The following SEMA6D variants were observed in gnomAD, a reference collection of about 807,000 sequenced individuals.
The protein encoded by SEMA6D is semaphorin 6D, also known as semaphorin-6D.
In SEMA6D, 35 loss-of-function variants were observed where a neutral mutation model predicts 106.6. That is an observed-to-expected ratio of 0.33 (90% CI 0.25 to 0.44). SEMA6D has a LOEUF of 0.44. Ranked by LOEUF, SEMA6D falls within the 20% of genes least tolerant of loss-of-function variation. SEMA6D has a pLI of 1.00. For synonymous variants in SEMA6D, 499 were observed against 487.7 expected (o/e 1.02, Z -0.31); for missense variants, 1,185 against 1,345.9 (o/e 0.88, Z 1.87).
At chr15:47,513,354 G>A (rs1273098878) in intron 3 of SEMA6D, among the ~76,000 whole-genome samples, 1 of 151,942 alleles carries the variant, frequency 6.6e-6, no homozygotes, top group Non-Finnish European at 1.5e-5. Context: ...TATATACTCT[G>A]GCTGATTTGT....
chr15:47,210,193 G>A (rs542576250), intron 1 of SEMA6D, among the ~76,000 whole-genome samples: 2 of 152,016 alleles, frequency 1.3e-5, no homozygotes, highest in South Asian at 4.2e-4. Context: ...ACTGTATGTC[G>A]ACTTTAGTGG....
In SEMA6D at chr15:47,768,622, A is replaced by G. The variant is rs377324380; in HGVS notation, c.1807A>G (p.Ile603Val). ...ATCTTCTGTTACCACAATGGCAAGT[A>G]TCCCAGAAATCACACCTAAAGTGAT... is the stretch of plus-strand genomic sequence containing the variant. ...SSSSVTTMAS[I>V]PEITPKVIDT... Residue 603 changes from isoleucine to valine, a missense_variant, in exon 18 of 19, where the codon ATC becomes GTC. This residue lies in a region of SEMA6D where 750 missense variants were observed against 783.5 expected (regional missense o/e 0.96). Transcript: ENST00000536845. The G allele has an allele frequency of 3.1e-6, 5 of 1,613,384 alleles. No individual in the cohort carries two copies. The highest frequency in any genetic ancestry group is 1.7e-4 in the Middle Eastern group (1 of 6,050).
chr15:47,352,840 G>T (rs568164651), intron 1 of SEMA6D, among the ~76,000 whole-genome samples: 3 of 152,162 alleles, frequency 2.0e-5, no homozygotes, highest in African/African-American at 7.2e-5. Flanking sequence ...AGTCACCCAA[G>T]AGGGTTTATC....
At chr15:47,434,245 G>A (rs2041631078) in intron 2 of SEMA6D, among the ~76,000 whole-genome samples, 1 of 152,078 alleles carries the variant, frequency 6.6e-6, no homozygotes, top group African/African-American at 2.4e-5. Context: ...GTTCAAGCCT[G>A]GTGATAAATA....
chr15:47,228,159 CACACAT>C (rs1425627994), intron 1 of SEMA6D, among the ~76,000 whole-genome samples: 4 of 124,052 alleles, frequency 3.2e-5, no homozygotes, highest in African/African-American at 1.4e-4. Context: ...CACACACACA[CACACAT>C]ATATATATAA....
At chr15:47,411,367 T>C (rs2040792903) in intron 1 of SEMA6D, among the ~76,000 whole-genome samples, 1 of 152,174 alleles carries the variant, frequency 6.6e-6, no homozygotes. Context: ...AGTGCTGGGA[T>C]TGAGTTCTTG....
intron 1 of SEMA6D, among the ~76,000 whole-genome samples, chr15:47,360,903 T>C (rs1008079781): frequency 2.0e-5 from 3 of 152,252 alleles, no homozygotes; most frequent in African/African-American, 7.2e-5. Flanking sequence ...TTGAAACATA[T>C]GTTTACATCT....
chr15:47,637,372 G>GC (rs1217632423), intron 4 of SEMA6D, among the ~76,000 whole-genome samples: 1 of 152,182 alleles, frequency 6.6e-6, no homozygotes, highest in Non-Finnish European at 1.5e-5. Flanking sequence ...AGAAGTCAGG[G>GC]CAACTGCTTG....
At chr15:47,523,017 A>T (rs1366573659) in intron 3 of SEMA6D, among the ~76,000 whole-genome samples, 1 of 152,320 alleles carries the variant, frequency 6.6e-6, no homozygotes, top group East Asian at 1.9e-4. Flanking sequence ...TTTCAATAGA[A>T]ATACAGAGCC....
intron 1 of SEMA6D, among the ~76,000 whole-genome samples, chr15:47,206,955 A>T (rs770320938): frequency 2.0e-5 from 3 of 152,158 alleles, no homozygotes; most frequent in African/African-American, 7.2e-5. Context: ...GCCTTAAAAA[A>T]CAAATAAGAG....
chr15:47,266,801 A>G (rs1279014584), intron 1 of SEMA6D, among the ~76,000 whole-genome samples: 2 of 152,092 alleles, frequency 1.3e-5, no homozygotes, highest in Non-Finnish European at 2.9e-5. Flanking sequence ...AATTTCTACC[A>G]TGCTGAGCTG....
chr15:47,705,050 T>A (rs1435504836), intron 4 of SEMA6D, among the ~76,000 whole-genome samples: 2 of 152,188 alleles, frequency 1.3e-5, no homozygotes, highest in Non-Finnish European at 2.9e-5. Flanking sequence ...AAATATATAT[T>A]TAGCTAAACA....
chr15:47,733,315 A>T (rs1359341085), intron 1 of SEMA6D, among the ~76,000 whole-genome samples: 2 of 152,154 alleles, frequency 1.3e-5, no homozygotes, highest in Non-Finnish European at 2.9e-5. Flanking sequence ...TAATACAATA[A>T]ATCAGTCCTA....
intron 3 of SEMA6D, among the ~76,000 whole-genome samples, chr15:47,573,313 G>T (rs1482062592): frequency 6.6e-6 from 1 of 151,944 alleles, no homozygotes; most frequent in Non-Finnish European, 1.5e-5. Context: ...AAAAAAATCA[G>T]AAAATAAGCT....
At chr15:47,316,144 G>C (rs1449036162) in intron 1 of SEMA6D, among the ~76,000 whole-genome samples, 3 of 98,150 alleles carry the variant, frequency 3.1e-5, no homozygotes, top group South Asian at 3.4e-4. Flanking sequence ...CCAGGCTGGA[G>C]TGCAGTAGTG....
At chr15:47,420,103 T>C (rs748194503) in intron 2 of SEMA6D, among the ~76,000 whole-genome samples, 10 of 152,120 alleles carry the variant, frequency 6.6e-5, no homozygotes, top group Non-Finnish European at 1.2e-4. Context: ...GGTGATGTGC[T>C]CAGAACACAC....
chr15:47,392,810 G>C (rs1002072772), intron 1 of SEMA6D, among the ~76,000 whole-genome samples: 6 of 152,198 alleles, frequency 3.9e-5, no homozygotes, highest in Non-Finnish European at 7.3e-5. Flanking sequence ...AGAAACTCCA[G>C]TTGAGGAAGG....
At chr15:47,608,272 T>C (rs1227107020) in intron 4 of SEMA6D, among the ~76,000 whole-genome samples, 1 of 152,214 alleles carries the variant, frequency 6.6e-6, no homozygotes, top group African/African-American at 2.4e-5. Context: ...TACCTCCTCC[T>C]CTGTCACTGG....
chr15:47,686,313 T>A (rs940087890), intron 4 of SEMA6D, among the ~76,000 whole-genome samples: 2 of 152,262 alleles, frequency 1.3e-5, no homozygotes, highest in Non-Finnish European at 2.9e-5. Context: ...AACTAAGTTC[T>A]AACCCTCTGA....
Sources: allele counts gnomAD v4.1 joint callset (sites outside exome capture counted in the v4.1 genomes callset), GRCh38; gene constraint gnomAD v4.1.1; regional missense constraint gnomAD v4.1.1; transcripts MANE v1.5; gene names NCBI Gene and HGNC (gene_info 2026-07-23, HGNC 2026-07-21).